EYS: variants seen among roughly 807,000 people sequenced by gnomAD.
EYS encodes the protein protein eyes shut homolog.
EYS carries 250 observed loss-of-function variants against 282.1 expected under a neutral mutation model. That is an observed-to-expected ratio of 0.89 (90% CI 0.80 to 0.98). The LOEUF is 0.98. EYS is among the 50% of genes least tolerant of loss of function. EYS has a pLI of 0.00. For missense variants in EYS, 4,016 were observed against 3,709.0 expected (o/e 1.08, Z -2.15); for synonymous variants, 1,355 against 1,282.9 (o/e 1.06, Z -1.20).
At chr6:64,196,633 C>T (rs1226321209) in intron 31 of EYS, among the ~76,000 whole-genome samples, 1 of 151,494 alleles carries the variant, frequency 6.6e-6, no homozygotes, top group African/African-American at 2.4e-5. Flanking sequence ...TCTCAGTAAA[C>T]TATCACAAGA....
chr6:64,247,256 G>T (rs1219943561), intron 30 of EYS, among the ~76,000 whole-genome samples: 1 of 152,110 alleles, frequency 6.6e-6, no homozygotes, highest in Admixed American at 6.6e-5. Flanking sequence ...AGTAATCAAG[G>T]TGACATAATT....
chr6:65,384,479 T>G lies in EYS; in HGVS notation c.1206A>C (p.Glu402Asp), dbSNP rs752978263. 1 of 1,599,200 alleles carries G rather than the reference T, an allele frequency of 6.3e-7. No individual in the cohort carries two copies. ...YPCSCISGFT[E>D]KNCEKAIDHC... ...GGTCAATTGCTTTCTCACAGTTTTT[T>G]TCAGTAAATCCTGATATACAGCTGT... The change falls in exon 8 of 43, where the codon GAA becomes GAC. Residue 402 changes from glutamate (E) to aspartate (D), a missense_variant. Transcript: ENST00000503581.
intron 2 of EYS, among the ~76,000 whole-genome samples, chr6:65,534,226 G>A (rs953065356): frequency 1.3e-5 from 2 of 152,112 alleles, no homozygotes; most frequent in African/African-American, 2.4e-5. Flanking sequence ...GAGGCATGAT[G>A]CTGCGTGCTA....
chr6:63,742,350 T>A (rs950533350), intron 41 of EYS, among the ~76,000 whole-genome samples: 1 of 152,152 alleles, frequency 6.6e-6, no homozygotes, highest in African/African-American at 2.4e-5. Context: ...TTTAAGCTAC[T>A]TTGGATGTGG....
At chr6:65,111,000 T>G (rs1188688437) in intron 12 of EYS, among the ~76,000 whole-genome samples, 5 of 152,102 alleles carry the variant, frequency 3.3e-5, no homozygotes, top group Non-Finnish European at 5.9e-5. Flanking sequence ...TAACAGGTAT[T>G]GAAACTTCAG....
chr6:64,168,944 A>G (rs901622583), intron 31 of EYS, among the ~76,000 whole-genome samples: 12 of 152,258 alleles, frequency 7.9e-5, no homozygotes, highest in Admixed American at 7.9e-4. Context: ...TTAGAGTCTC[A>G]AGGTAAAAAT....
chr6:65,331,424 G>A, intron 11 of EYS: 1 of 786,908 alleles, frequency 1.3e-6, no homozygotes, highest in Middle Eastern at 6.4e-4. Flanking sequence ...TATAACAGGT[G>A]GTATCACACA....
At chr6:64,016,525 C>T (rs1245851968) in intron 33 of EYS, among the ~76,000 whole-genome samples, 4 of 149,864 alleles carry the variant, frequency 2.7e-5, no homozygotes, top group East Asian at 2.0e-4. Context: ...GGTCTTGCTC[C>T]GTCACCCAGG....
intron 19 of EYS, among the ~76,000 whole-genome samples, chr6:64,858,955 T>G (rs1766152316): frequency 6.6e-6 from 1 of 152,212 alleles, no homozygotes; most frequent in Admixed American, 6.5e-5. Flanking sequence ...CACTTCTTTT[T>G]AACATTGTAT....
intron 26 of EYS, among the ~76,000 whole-genome samples, chr6:64,452,681 A>G (rs1775401505): frequency 6.6e-6 from 1 of 152,210 alleles, no homozygotes. Flanking sequence ...ATGGAACAGA[A>G]TAGAGCCCTC....
At chr6:64,301,204 G>A (rs9444709) in intron 30 of EYS, among the ~76,000 whole-genome samples, 104,391 of 152,106 alleles carry the variant, frequency 0.69, 35,861 homozygotes, top group South Asian at 0.71. Flanking sequence ...TACCTTAAAT[G>A]ATTATCAGAA....
rs530678192 is a variant in EYS, at chr6:64,867,799, A to G, written c.2992+18898T>C. 1.4e-4 allele frequency among the ~76,000 whole-genome samples: 22 copies of G among 151,818 alleles called. No homozygotes were observed. In the South Asian group the frequency reaches 3.7e-3, roughly 26 times the overall value. On this transcript the variant is annotated intron_variant, in intron 19 of 42. Coordinates refer to ENST00000503581, the MANE Select transcript of EYS (RefSeq NM_001142800.2). ...AGAAAGCCATACAAAATTAAATTCT[A>G]CTTTTGAAAATAAGCCTTCAGACTA...
intron 31 of EYS, among the ~76,000 whole-genome samples, chr6:64,171,473 C>T (rs988978667): frequency 6.6e-6 from 1 of 151,752 alleles, no homozygotes; most frequent in Non-Finnish European, 1.5e-5. Context: ...ATAGCCATAT[C>T]TATGCTTTAC....
chr6:64,853,739 C>G (rs372822430), intron 19 of EYS, among the ~76,000 whole-genome samples: 1 of 152,026 alleles, frequency 6.6e-6, no homozygotes, highest in East Asian at 1.9e-4. Context: ...GCAACAAAAG[C>G]CAAAATTGAC....
At chr6:63,887,096 G>A (rs774406665) in intron 35 of EYS, among the ~76,000 whole-genome samples, 1 of 152,090 alleles carries the variant, frequency 6.6e-6, no homozygotes, top group Non-Finnish European at 1.5e-5. Context: ...CACATTGACA[G>A]AACAAGGGCC....
At chr6:64,958,760 A>AAAAAAAG (rs1769812125) in intron 14 of EYS, among the ~76,000 whole-genome samples, 1 of 148,800 alleles carries the variant, frequency 6.7e-6, no homozygotes, top group African/African-American at 2.5e-5. Context: ...AAAAAAAAAA[A>AAAAAAAG]AAAGAAACAA....
chr6:63,944,878 G>T (rs1015229165), intron 35 of EYS, among the ~76,000 whole-genome samples: 5 of 152,132 alleles, frequency 3.3e-5, no homozygotes, highest in Non-Finnish European at 5.9e-5. Context: ...AGGTTGCAGT[G>T]AGCCAAGATC....
Position 64,900,813 on chromosome 6 carries a change from C to T in EYS, c.2846+1300G>A, listed in dbSNP as rs187360791. On this transcript the variant is annotated intron_variant, in intron 18 of 42. Transcript: ENST00000503581. Reference sequence around the variant, plus strand: ...TGGTGGGAGTGTAAATTAGTTCAACCATTGTGGAAGACAGTGTGGTGATTC... The same window carrying T: ...TGGTGGGAGTGTAAATTAGTTCAACTATTGTGGAAGACAGTGTGGTGATTC... Among the ~76,000 whole-genome samples, 33 of 152,122 alleles carry T rather than the reference C, an allele frequency of 2.2e-4. 1 individual carries two copies. In the East Asian group the frequency reaches 5.8e-3, roughly 27 times the overall value.
chr6:65,699,931 G>A (rs1387271694), intron 1 of EYS, among the ~76,000 whole-genome samples: 1 of 151,492 alleles, frequency 6.6e-6, no homozygotes, highest in Non-Finnish European at 1.5e-5. Flanking sequence ...TGGCTAACAT[G>A]GTGAAACCCT....
Sources: gnomAD v4.1 joint callset for allele counts (sites outside exome capture counted in the v4.1 genomes callset) on GRCh38, gnomAD v4.1.1 for gene constraint, MANE v1.5 for transcripts, NCBI Gene and HGNC (gene_info 2026-07-23, HGNC 2026-07-21) for gene names.